The following ALOX5AP variants were observed in gnomAD, a reference collection of about 807,000 sequenced individuals.
ALOX5AP encodes arachidonate 5-lipoxygenase activating protein.
Under a neutral mutation model 18.5 loss-of-function variants are expected in ALOX5AP, and 9 were observed. The observed-to-expected ratio is 0.49, with a 90% confidence interval of 0.29 to 0.85. The LOEUF is 0.85. Ranked by LOEUF, ALOX5AP falls within the 40% of genes least tolerant of loss-of-function variation. ALOX5AP has a pLI of 0.08. For synonymous variants in ALOX5AP, 81 were observed against 78.6 expected (o/e 1.03, Z -0.16); for missense variants, 172 against 202.5 (o/e 0.85, Z 0.91).
At chr13:30,723,821 A>T (rs1175974813) in intron 1 of ALOX5AP, among the ~76,000 whole-genome samples, 1 of 152,112 alleles carries the variant, frequency 6.6e-6, no homozygotes, top group African/African-American at 2.4e-5. Context: ...GCTGGCTTTG[A>T]ACTCCTGTGC....
chr13:30,733,172 AAAAAG>A (rs1951695360), upstream of ALOX5AP, among the ~76,000 whole-genome samples: 1 of 151,758 alleles, frequency 6.6e-6, no homozygotes, highest in African/African-American at 2.4e-5. Context: ...AAAAAAAAAA[AAAAAG>A]AGAGGAAGGG....
upstream of ALOX5AP, chr13:30,735,425 G>A: frequency 7.8e-7 from 1 of 1,287,286 alleles, no homozygotes; most frequent in Non-Finnish European, 1.0e-6. Context: ...GGGCATTTTG[G>A]TGGTTAGTTA....
intron 1 of ALOX5AP, among the ~76,000 whole-genome samples, chr13:30,740,249 CTG>C (rs1183650119): frequency 6.6e-6 from 1 of 152,186 alleles, no homozygotes; most frequent in Non-Finnish European, 1.5e-5. Flanking sequence ...CATATTAACT[CTG>C]TGGTTAACTA....
chr13:30,734,462 C>T (rs1280325945), upstream of ALOX5AP, among the ~76,000 whole-genome samples: 2 of 152,208 alleles, frequency 1.3e-5, no homozygotes, highest in African/African-American at 4.8e-5. Context: ...ACCTCTTAAC[C>T]AATGCCAAAT....
chr13:30,755,843 C>T lies in ALOX5AP; in HGVS notation c.242-101C>T, dbSNP rs1298376283. 7 of 1,151,016 alleles carry T rather than the reference C, an allele frequency of 6.1e-6. No individual in the cohort carries two copies. In the East Asian group the frequency reaches 1.7e-4, roughly 28 times the overall value. 71.3% of individuals were successfully genotyped at this position (1,151,016 alleles called of 1,614,324 possible). A position where few individuals can be genotyped will look rare whatever the true frequency, so the allele number is the denominator to read the frequency against. ...GGCTCTTTTCCTGAAGTGCGTGTGT[C>T]TTCTGCTAGATTTTGTGACCAATGT... On this transcript the variant is annotated intron_variant, in intron 3 of 4. Transcript: ENST00000380490.
chr13:30,720,984 T>G (rs1951588942), intron 1 of ALOX5AP, among the ~76,000 whole-genome samples: 1 of 152,148 alleles, frequency 6.6e-6, no homozygotes, highest in Admixed American at 6.5e-5. Context: ...AGTCCCAAGA[T>G]GAGGTGTGGT....
At position 30,746,605 on chromosome 13, in the gene ALOX5AP, G is replaced by A. The variant is rs1951811307; in HGVS notation, c.170+2446G>A. On this transcript the variant is annotated intron_variant, in intron 2 of 4. Coordinates refer to ENST00000380490, the MANE Select transcript of ALOX5AP (RefSeq NM_001629.4). Reference sequence around the variant, plus strand: ...CCTGTGCCAGGAAACCACTGGGAATGGGGTTGTGTGTTATTCTAGGAGAAA... The same window carrying A: ...CCTGTGCCAGGAAACCACTGGGAATAGGGTTGTGTGTTATTCTAGGAGAAA... Among the ~76,000 whole-genome samples the A allele has an allele frequency of 1.3e-5, 2 of 152,236 alleles. 1 individual carries two copies. The highest frequency in any genetic ancestry group is 2.9e-5 in the Non-Finnish European group (2 of 68,042).
upstream of ALOX5AP, among the ~76,000 whole-genome samples, chr13:30,735,011 T>C (rs1951709167): frequency 6.6e-6 from 1 of 151,966 alleles, no homozygotes; most frequent in Admixed American, 6.6e-5. Context: ...CATTTGTGTG[T>C]GCGTGTGTGT....
At chr13:30,752,647 G>A (rs1027423338) in intron 3 of ALOX5AP, among the ~76,000 whole-genome samples, 2 of 152,208 alleles carry the variant, frequency 1.3e-5, no homozygotes, top group African/African-American at 4.8e-5. Context: ...ATTTAACATT[G>A]AGTGGAAATC....
chr13:30,722,225 G>GACACTTCAAAGCTATCAATAATAA (rs1285879518), intron 1 of ALOX5AP, among the ~76,000 whole-genome samples: 1 of 152,182 alleles, frequency 6.6e-6, no homozygotes, highest in Non-Finnish European at 1.5e-5. Flanking sequence ...GCAGATGGCA[G>GACACTTCAAAGCTATCAATAATAA]ACACTTCAAA....
At chr13:30,728,485 T>C (rs990486649) in intron 1 of ALOX5AP, among the ~76,000 whole-genome samples, 2 of 152,198 alleles carry the variant, frequency 1.3e-5, no homozygotes, top group Admixed American at 1.3e-4. Context: ...ATATAAAATA[T>C]CTTCTAGTGG....
intron 1 of ALOX5AP, among the ~76,000 whole-genome samples, chr13:30,726,350 T>C (rs1313966062): frequency 2.6e-5 from 4 of 152,166 alleles, no homozygotes; most frequent in Non-Finnish European, 4.4e-5. Flanking sequence ...CAATAGAAAG[T>C]GACACCAACC....
intron 3 of ALOX5AP, among the ~76,000 whole-genome samples, chr13:30,755,488 T>C (rs1276267309): frequency 2.0e-5 from 3 of 152,052 alleles, no homozygotes; most frequent in Non-Finnish European, 2.9e-5. Context: ...AGGACTCAGG[T>C]TAGATGATAG....
At chr13:30,732,264 C>G (rs866617891), upstream of ALOX5AP, among the ~76,000 whole-genome samples, 4 of 152,170 alleles carry the variant, frequency 2.6e-5, no homozygotes, top group South Asian at 8.3e-4. Flanking sequence ...GGTGTGGGGC[C>G]CCAGAAGGTG....
chr13:30,714,558 G>A (rs551366954), intron 1 of ALOX5AP, among the ~76,000 whole-genome samples: 3 of 133,272 alleles, frequency 2.3e-5, no homozygotes, highest in African/African-American at 8.4e-5. Context: ...GTGGCCGCTG[G>A]CAAGAGAGCT....
chr13:30,742,325 AAAAC>A (rs1467733036), intron 1 of ALOX5AP: 4 of 152,254 alleles, frequency 2.6e-5, no homozygotes, highest in African/African-American at 9.7e-5. Context: ...CTAAAAAAAA[AAAAC>A]AAAAACCTGT....
intron 1 of ALOX5AP, among the ~76,000 whole-genome samples, chr13:30,742,782 T>A (rs1951777317): frequency 6.6e-6 from 1 of 152,022 alleles, no homozygotes; most frequent in Admixed American, 6.6e-5. Flanking sequence ...GACAATCACA[T>A]GTATCCCTTT....
intron 1 of ALOX5AP, among the ~76,000 whole-genome samples, chr13:30,716,660 T>C (rs1050382326): frequency 6.6e-6 from 1 of 152,152 alleles, no homozygotes; most frequent in Non-Finnish European, 1.5e-5. Flanking sequence ...TGTGAACCTT[T>C]AGCCAACTGG....
chr13:30,732,922 G>A (rs1474373746), upstream of ALOX5AP, among the ~76,000 whole-genome samples: 6 of 152,002 alleles, frequency 3.9e-5, no homozygotes, highest in South Asian at 2.1e-4. Context: ...TTGGGAGGCC[G>A]AGGCGGGCAG....
Sources: allele counts gnomAD v4.1 joint callset (sites outside exome capture counted in the v4.1 genomes callset), GRCh38; gene constraint gnomAD v4.1.1; transcripts MANE v1.5; gene names NCBI Gene and HGNC (gene_info 2026-07-23, HGNC 2026-07-21).